Variants in HECTD4 observed in about 807,000 individuals in gnomAD.
The protein encoded by HECTD4 is HECT domain E3 ubiquitin protein ligase 4.
Under a neutral mutation model 471.5 loss-of-function variants are expected in HECTD4, and 114 were observed. That is an observed-to-expected ratio of 0.24 (90% confidence interval 0.21 to 0.28). The LOEUF is 0.28. Ranked by LOEUF, HECTD4 falls within the 10% of genes least tolerant of loss-of-function variation. The pLI, the probability that HECTD4 is intolerant of heterozygous loss-of-function variation, is 1.00. For synonymous variants in HECTD4, 2,012 were observed against 2,256.0 expected (o/e 0.89, Z 3.07); for missense variants, 3,866 against 5,651.5 (o/e 0.68, Z 10.13).
rs2032186702 is a variant in HECTD4, at chr12:112,194,874, C to T, written c.8749+11G>A. On this transcript the variant is annotated intron_variant, in intron 56 of 75. Coordinates refer to ENST00000682272, the MANE Select transcript of HECTD4 (RefSeq NM_001388303.1). This position sits in a 1 kb window ranked among gnomAD's most constrained non-coding sequence, Gnocchi z 4.6. Reference sequence around the variant, plus strand: ...AAGTTCCAGAGTGACAGCAGCAAAGCCAAGTTTTACCTGGGAGAGGAGGTG... The same window carrying T: ...AAGTTCCAGAGTGACAGCAGCAAAGTCAAGTTTTACCTGGGAGAGGAGGTG... 1.3e-6 allele frequency: 2 copies of T among 1,599,788 alleles called. No individual in the cohort carries two copies. Among genetic ancestry groups the T allele is most frequent in the African/African-American group, 2.7e-5 (2 of 74,726 alleles).
At chr12:112,192,166 C>T (rs2032101784) in intron 59 of HECTD4, among the ~76,000 whole-genome samples, 1 of 152,190 alleles carries the variant, frequency 6.6e-6, no homozygotes, top group East Asian at 1.9e-4. Context: ...TCACAGTGGC[C>T]AGTGCCCTGG....
rs570434266 is a variant in HECTD4 at position 112,174,215 on chromosome 12, C to T, written c.11595-1354G>A. ...AACTCCTGACCTCAGTTGATCTGCCCGCCTTGGCCTCCCAAAGTGCTGGGA... is the reference window on the plus strand; with the variant it reads ...AACTCCTGACCTCAGTTGATCTGCCTGCCTTGGCCTCCCAAAGTGCTGGGA... On this transcript the variant is annotated intron_variant, in intron 66 of 75. Transcript: ENST00000682272. Among the ~76,000 whole-genome samples, 10 of 151,742 alleles carry T rather than the reference C, an allele frequency of 6.6e-5. No individual in the cohort carries two copies. In the East Asian group the frequency reaches 7.8e-4, roughly 12 times the overall value.
intron 1 of HECTD4, among the ~76,000 whole-genome samples, chr12:112,320,452 C>G (rs2035561361): frequency 6.6e-6 from 1 of 152,238 alleles, no homozygotes; most frequent in South Asian, 2.1e-4. Flanking sequence ...GTAATCCCAG[C>G]ACTTTGGAAG....
In HECTD4 at chr12:112,237,019, T is replaced by C. The variant is rs1324605831; in HGVS notation, c.5370A>G (p.Thr1790=). 1 of 1,611,078 alleles carries C rather than the reference T, an allele frequency of 6.2e-7. No individual in the cohort carries two copies. Among genetic ancestry groups the C allele is most frequent in the Non-Finnish European group, 8.5e-7 (1 of 1,178,802 alleles). The part of the protein sequence containing the change: ...SLLTNHLARA[T]ECCGNQAAGN... ...CAGCAGCCTGGTTGCCACAGCACTC[T>C]GTGGCTCGGGCAAGATGGTTAGTGA... The change falls in exon 35 of 76, where the codon ACA becomes ACG. Residue 1790 remains threonine (T), a synonymous_variant. Transcript: ENST00000682272.
In HECTD4 at chr12:112,212,669, A is replaced by G. The variant is rs753029508; in HGVS notation, c.7466-19T>C. 3 of 1,574,486 alleles carry G rather than the reference A, an allele frequency of 1.9e-6. No individual in the cohort carries two copies. The highest frequency in any genetic ancestry group is 2.6e-6 in the Non-Finnish European group (3 of 1,158,612). ...ACGTCACCTATAGCAGAGAACGGGA[A>G]GGAAAACATATTTTCTCCCTTTTAT... On this transcript the variant is annotated intron_variant, in intron 48 of 75. Transcript: ENST00000682272.
intron 4 of HECTD4, among the ~76,000 whole-genome samples, chr12:112,309,934 C>CT (rs953562204): frequency 1.2e-4 from 18 of 151,326 alleles, no homozygotes; most frequent in South Asian, 4.2e-4. Flanking sequence ...GTTTTTCTTT[C>CT]TTTTTTTTTG....
intron 1 of HECTD4, among the ~76,000 whole-genome samples, chr12:112,320,700 T>TA (rs200615771): frequency 0.053 from 7,786 of 147,038 alleles, 260 homozygotes; most frequent in South Asian, 0.095. Flanking sequence ...GACTCTGTCT[T>TA]AAAAAAAAAA....
intron 7 of HECTD4, among the ~76,000 whole-genome samples, chr12:112,299,277 T>A (rs1181673382): frequency 6.6e-6 from 1 of 152,138 alleles, no homozygotes; most frequent in Non-Finnish European, 1.5e-5. Context: ...TAAGCATCTT[T>A]AAAAATACGG....
rs546930393 is a variant in HECTD4 at position 112,183,141 on chromosome 12, G to T, written c.10905C>A (p.Thr3635=). 1 of 1,613,166 alleles carries T rather than the reference G, an allele frequency of 6.2e-7. No homozygotes were observed. Among genetic ancestry groups the T allele is most frequent in the African/African-American group, 1.3e-5 (1 of 74,888 alleles). ...LMEMSTEEIL[T]VSVVNQSLFD... is the part of the protein sequence containing the mutation. ...AGAGACTCTGATTTACTACAGACAC[G>T]GTTAGAATCTCTTCTGTTGACATTT... The change falls in exon 62 of 76, where the codon ACC becomes ACA. Residue 3635 remains threonine, a synonymous_variant. Transcript: ENST00000682272.
intron 7 of HECTD4, among the ~76,000 whole-genome samples, chr12:112,284,180 G>A (rs990614118): frequency 6.6e-6 from 1 of 152,026 alleles, no homozygotes; most frequent in African/African-American, 2.4e-5. Context: ...GCTCCCCTCT[G>A]CCTCTTCATC....
intron 1 of HECTD4, among the ~76,000 whole-genome samples, chr12:112,336,849 G>A (rs553047470): frequency 4.6e-5 from 7 of 152,242 alleles, no homozygotes; most frequent in South Asian, 4.1e-4. Context: ...CTACTCTTAC[G>A]TATTTTTACA....
chr12:112,317,721 G>A (rs1345275535), intron 2 of HECTD4, among the ~76,000 whole-genome samples: 1 of 152,174 alleles, frequency 6.6e-6, no homozygotes, highest in Non-Finnish European at 1.5e-5. Context: ...GCTCATGCCT[G>A]TAATCCCAGC....
chr12:112,236,305 G>A (rs1256067612), intron 35 of HECTD4, among the ~76,000 whole-genome samples: 3 of 152,174 alleles, frequency 2.0e-5, no homozygotes, highest in African/African-American at 7.2e-5. Flanking sequence ...TTGCTAGGGA[G>A]AATGACTGGA....
chr12:112,376,422 A>AT, intron 1 of HECTD4, among the ~76,000 whole-genome samples: 1 of 151,178 alleles, frequency 6.6e-6, no homozygotes, highest in African/African-American at 2.4e-5. Flanking sequence ...AATTTTTTGT[A>AT]TTTTTAGTAG....
In HECTD4 at chr12:112,381,981, C is replaced by T. The variant is rs1168993726; in HGVS notation, c.148G>A (p.Ala50Thr). Reference sequence around the variant, plus strand: ...AGGTCGGTGTCCGCGGCCTCTGGGGCCCCGAGGATCTCGCTGGGCAGCTCG... The same window carrying T: ...AGGTCGGTGTCCGCGGCCTCTGGGGTCCCGAGGATCTCGCTGGGCAGCTCG... ...LAELPSEILG[A>T]PEAADTDLEI... The change falls in exon 1 of 76, where the codon GCC (alanine) becomes ACC (threonine). Residue 50 changes from alanine to threonine, a missense_variant. Around this residue, in one of 16 missense-constraint regions of HECTD4, gnomAD observed 440 missense variants for 636.0 expected, o/e 0.69. Transcript: ENST00000682272. The surrounding 1 kb of genome is among the most constrained non-coding windows in gnomAD (Gnocchi z 4.1). 2.4e-6 allele frequency: 3 copies of T among 1,224,700 alleles called. No individual in the cohort carries two copies. Among genetic ancestry groups the T allele is most frequent in the East Asian group, 3.2e-5 (1 of 31,242 alleles). 75.9% of individuals were successfully genotyped at this position (1,224,700 alleles called of 1,614,324 possible).
At chr12:112,279,754 T>C (rs1205629390) in intron 8 of HECTD4, among the ~76,000 whole-genome samples, 3 of 152,198 alleles carry the variant, frequency 2.0e-5, no homozygotes, top group East Asian at 1.9e-4. Flanking sequence ...AAAACTGATA[T>C]AGGTTGAGTA....
At position 112,279,355 on chromosome 12, in the gene HECTD4, C is replaced by G; in HGVS notation, c.1560G>C (p.Met520Ile). ...ANTSCGLPLK[M>I]LRKTPIYTCG... ...AGGTATATATGGGTGTCTTCCGCAGCATTTTTAGAGGCAGCCCACAGCTAG... is the reference window on the plus strand; with the variant it reads ...AGGTATATATGGGTGTCTTCCGCAGGATTTTTAGAGGCAGCCCACAGCTAG... The change falls in exon 9 of 76, where the codon ATG becomes ATC. Residue 520 changes from methionine (M) to isoleucine (I), a missense_variant. Physicochemically the swap from Met to Ile is conservative, Grantham distance 10. Coordinates refer to ENST00000682272, the MANE Select transcript of HECTD4 (RefSeq NM_001388303.1). 1 of 1,605,286 alleles carries G rather than the reference C, an allele frequency of 6.2e-7. No individual in the cohort carries two copies. Among genetic ancestry groups the G allele is most frequent in the African/African-American group, 1.3e-5 (1 of 74,696 alleles).
Position 112,179,929 on chromosome 12 carries a change from A to C in HECTD4, c.10988-532T>G, listed in dbSNP as rs1369351146. ...TCAAAACTGGCGCAATGAGCAGGTGAAAAAGAGTTTTCTGAGATACAAAAA... is the reference window on the plus strand; with the variant it reads ...TCAAAACTGGCGCAATGAGCAGGTGCAAAAGAGTTTTCTGAGATACAAAAA... On this transcript the variant is annotated intron_variant, in intron 62 of 75. Coordinates refer to ENST00000682272, the MANE Select transcript of HECTD4 (RefSeq NM_001388303.1). This position sits in a 1 kb window ranked among gnomAD's most constrained non-coding sequence, Gnocchi z 4.3. Among the ~76,000 whole-genome samples the C allele has an allele frequency of 6.6e-6, 1 of 152,274 alleles. No homozygotes were observed.
chr12:112,324,695 A>C (rs1006331249), intron 1 of HECTD4, among the ~76,000 whole-genome samples: 1 of 152,172 alleles, frequency 6.6e-6, no homozygotes, highest in African/African-American at 2.4e-5. Context: ...TATTACCCCC[A>C]AAAATCAGTA....
Sources: allele counts gnomAD v4.1 joint callset (sites outside exome capture counted in the v4.1 genomes callset), GRCh38; gene constraint gnomAD v4.1.1; regional missense constraint gnomAD v4.1.1; non-coding constraint Gnocchi (gnomAD v3.1); transcripts MANE v1.5; gene names NCBI Gene and HGNC (gene_info 2026-07-23, HGNC 2026-07-21).